NAALADL2: variants seen among roughly 807,000 people sequenced by gnomAD.
The protein encoded by NAALADL2 is inactive N-acetylated-alpha-linked acidic dipeptidase-like protein 2.
In NAALADL2, 76 loss-of-function variants were observed where a neutral mutation model predicts 87.2. The observed-to-expected ratio is 0.87, with a 90% CI of 0.72 to 1.05. The LOEUF (loss-of-function observed/expected upper bound fraction) is 1.05, where lower values mean the gene tolerates loss of function less well. NAALADL2 is among the 50% of genes least tolerant of loss of function. The pLI is 0.00. For missense variants in NAALADL2, 1,089 were observed against 945.8 expected (o/e 1.15, Z -1.99); for synonymous variants, 354 against 331.0 (o/e 1.07, Z -0.75).
At chr3:174,803,328 T>A (rs1428211051) in intron 3 of NAALADL2, among the ~76,000 whole-genome samples, 1 of 152,138 alleles carries the variant, frequency 6.6e-6, no homozygotes, top group Admixed American at 6.5e-5. Flanking sequence ...GATGGGGTTG[T>A]TTTTTCTTGT....
At chr3:174,534,228 A>C (rs1193044415) in intron 1 of NAALADL2, among the ~76,000 whole-genome samples, 1 of 152,230 alleles carries the variant, frequency 6.6e-6, no homozygotes, top group Non-Finnish European at 1.5e-5. Flanking sequence ...GACATTGTTT[A>C]ATATCTAAGG....
chr3:175,343,550 C>A (rs1434271043), intron 5 of NAALADL2, among the ~76,000 whole-genome samples: 2 of 151,556 alleles, frequency 1.3e-5, no homozygotes, highest in Non-Finnish European at 2.9e-5. Context: ...CTTCTACAAT[C>A]TGCATTTCTT....
At chr3:175,701,143 AAGG>A (rs759829745) in intron 11 of NAALADL2, among the ~76,000 whole-genome samples, 3 of 152,110 alleles carry the variant, frequency 2.0e-5, no homozygotes, top group Non-Finnish European at 2.9e-5. Context: ...TACAGTGCAG[AAGG>A]AGAAGATTTC....
intron 1 of NAALADL2, among the ~76,000 whole-genome samples, chr3:174,503,528 C>A (rs1010743113): frequency 6.6e-6 from 1 of 151,986 alleles, no homozygotes; most frequent in South Asian, 2.1e-4. Flanking sequence ...TGTCCAAACT[C>A]TATTTTTTAT....
intron 5 of NAALADL2, among the ~76,000 whole-genome samples, chr3:175,443,000 G>A (rs961034885): frequency 3.9e-5 from 6 of 152,144 alleles, no homozygotes; most frequent in Non-Finnish European, 8.8e-5. Flanking sequence ...TAGTACATGT[G>A]TTTAGCTTTG....
intron 1 of NAALADL2, among the ~76,000 whole-genome samples, chr3:175,043,384 A>T: frequency 6.6e-6 from 1 of 151,998 alleles, no homozygotes. Flanking sequence ...GATTACAGGC[A>T]CGCGCCACGA....
intron 1 of NAALADL2, among the ~76,000 whole-genome samples, chr3:174,496,319 T>G (rs1241285029): frequency 6.6e-6 from 1 of 152,090 alleles, no homozygotes; most frequent in African/African-American, 2.4e-5. Context: ...GCTATCTTTG[T>G]GTTGACATTA....
At position 175,120,644 on chromosome 3, in the gene NAALADL2, A is replaced by G. The variant is rs1314786714; in HGVS notation, c.545+23353A>G. Among the ~76,000 whole-genome samples, 3 of 151,818 alleles carry G rather than the reference A, an allele frequency of 2.0e-5. No individual in the cohort carries two copies. The East Asian group carries it at 5.8e-4, about 29-fold the overall frequency. ...ATGGTCTTGCAATAAAAAGTCTGTT[A>G]TCTTCAATTCAGCTCACTTTTGCTA... is the stretch of plus-strand genomic sequence containing the variant. On this transcript the variant is annotated intron_variant, in intron 2 of 13. Coordinates refer to ENST00000454872, the MANE Select transcript of NAALADL2 (RefSeq NM_207015.3).
At chr3:174,727,011 G>A (rs1022609322) in intron 2 of NAALADL2, among the ~76,000 whole-genome samples, 1 of 151,894 alleles carries the variant, frequency 6.6e-6, no homozygotes, top group African/African-American at 2.4e-5. Flanking sequence ...TACTTTTTGG[G>A]TGTCAGATAT....
At chr3:175,070,966 T>C (rs897271620) in intron 1 of NAALADL2, among the ~76,000 whole-genome samples, 2 of 152,074 alleles carry the variant, frequency 1.3e-5, no homozygotes, top group African/African-American at 4.8e-5. Context: ...CTCAGTGTTA[T>C]AAAATAGATG....
chr3:175,287,331 T>C (rs1755107738), intron 4 of NAALADL2, among the ~76,000 whole-genome samples: 1 of 152,128 alleles, frequency 6.6e-6, no homozygotes, highest in Admixed American at 6.5e-5. Flanking sequence ...GCAAAAATAA[T>C]ATAATTAACA....
At chr3:175,055,346 G>A (rs1262820810) in intron 1 of NAALADL2, among the ~76,000 whole-genome samples, 1 of 152,192 alleles carries the variant, frequency 6.6e-6, no homozygotes, top group Non-Finnish European at 1.5e-5. Context: ...AATCCTGTGT[G>A]TATTTGTACC....
At chr3:174,511,540 T>G (rs554818602) in intron 1 of NAALADL2, among the ~76,000 whole-genome samples, 1 of 152,074 alleles carries the variant, frequency 6.6e-6, no homozygotes, top group East Asian at 1.9e-4. Context: ...TAATCTATTT[T>G]TTTTCATATT....
chr3:175,497,660 T>A (rs1370285222), intron 9 of NAALADL2, among the ~76,000 whole-genome samples: 3 of 150,480 alleles, frequency 2.0e-5, no homozygotes, highest in African/African-American at 5.0e-5. Context: ...TTCTTTTTTT[T>A]ATTTTTTTCC....
Position 174,882,808 on chromosome 3 carries a change from T to TACACAC in NAALADL2, c.43+23358_43+23359insACACAC, listed in dbSNP as rs1560319727. Reference sequence around the variant, plus strand: ...ATGTGTATATATACACGTGTGTATATGTGCATATGTGTATATATACACGTG... The same window carrying TACACAC: ...ATGTGTATATATACACGTGTGTATATACACACGTGCATATGTGTATATATACACGTG... On this transcript the variant is annotated intron_variant, in intron 1 of 13. Transcript: ENST00000454872. 2.1e-3 allele frequency among the ~76,000 whole-genome samples: 218 copies of TACACAC among 103,756 alleles called. 1 individual carries two copies. Among genetic ancestry groups the TACACAC allele is most frequent in the African/African-American group, 0.011 (207 of 19,008 alleles). The allele number at this position is 103,756 out of a possible 152,430, so 68.1% of individuals were successfully genotyped here. A position where few individuals can be genotyped will look rare whatever the true frequency, so the allele number is the denominator to read the frequency against.
intron 9 of NAALADL2, among the ~76,000 whole-genome samples, chr3:175,559,373 T>A (rs1252854440): frequency 6.6e-6 from 1 of 152,248 alleles, no homozygotes; most frequent in Non-Finnish European, 1.5e-5. Flanking sequence ...TATATGATCA[T>A]GTCATCTGCA....
chr3:174,497,469 A>G (rs1384999725), intron 1 of NAALADL2, among the ~76,000 whole-genome samples: 2 of 121,610 alleles, frequency 1.6e-5, no homozygotes, highest in Non-Finnish European at 3.5e-5. Context: ...TCTCTATTTA[A>G]AAAGAAGAAG....
At chr3:174,792,647 GA>G (rs1717608394) in intron 3 of NAALADL2, among the ~76,000 whole-genome samples, 1 of 152,118 alleles carries the variant, frequency 6.6e-6, no homozygotes, top group Non-Finnish European at 1.5e-5. Context: ...GTGTGGTGGA[GA>G]CAGTATAACC....
chr3:175,324,180 C>T lies in NAALADL2; in HGVS notation c.945C>T (p.Ser315=), dbSNP rs1230121035. 6.2e-7 allele frequency: 1 copy of T among 1,612,158 alleles called. No individual in the cohort carries two copies. Among genetic ancestry groups the T allele is most frequent in the Non-Finnish European group, 8.5e-7 (1 of 1,179,122 alleles). ...LGKLPLLYKL[S]SLEKAGFGGV... is the part of the protein sequence containing the mutation. Reference sequence around the variant, plus strand: ...AGCTTGCTTCCCTCTTTTAGCTTTCCTCATTGGAAAAGGCTGGATTTGGAG... The same window carrying T: ...AGCTTGCTTCCCTCTTTTAGCTTTCTTCATTGGAAAAGGCTGGATTTGGAG... Residue 315 remains serine (S), a synonymous_variant, in exon 5 of 14, where the codon TCC becomes TCT. Coordinates refer to ENST00000454872, the MANE Select transcript of NAALADL2 (RefSeq NM_207015.3).
Sources: allele counts gnomAD v4.1 joint callset (sites outside exome capture counted in the v4.1 genomes callset), GRCh38; gene constraint gnomAD v4.1.1; transcripts MANE v1.5; gene names NCBI Gene and HGNC (gene_info 2026-07-23, HGNC 2026-07-21).